SIRT5: variants seen among roughly 807,000 people sequenced by gnomAD.
SIRT5 encodes the protein NAD-dependent protein deacylase sirtuin-5, mitochondrial.
SIRT5 carries 26 observed loss-of-function variants against 40.0 expected under a neutral mutation model. That is an observed-to-expected ratio of 0.65 (90% CI 0.48 to 0.90). The LOEUF is 0.90. Ranked by LOEUF, SIRT5 falls within the 40% of genes least tolerant of loss-of-function variation. The pLI is 0.00. For missense variants in SIRT5, 401 were observed against 402.4 expected, an observed-to-expected ratio of 1.00 and a Z score of 0.03; for synonymous variants, 146 against 149.1, an observed-to-expected ratio of 0.98 and a Z score of 0.15.
intron 9 of SIRT5, among the ~76,000 whole-genome samples, chr6:13,608,271 G>A (rs1763379726): frequency 6.6e-6 from 1 of 151,714 alleles, no homozygotes; most frequent in Non-Finnish European, 1.5e-5. Flanking sequence ...TTATACTAAT[G>A]TAATATATTT....
intron 1 of SIRT5, among the ~76,000 whole-genome samples, chr6:13,576,937 T>C (rs1347380241): frequency 6.6e-6 from 1 of 152,230 alleles, no homozygotes; most frequent in African/African-American, 2.4e-5. Flanking sequence ...TCTTAGCACC[T>C]TTGTCAAAAA....
chr6:13,577,143 C>G (rs957585261), intron 1 of SIRT5, among the ~76,000 whole-genome samples: 2 of 152,136 alleles, frequency 1.3e-5, no homozygotes, highest in African/African-American at 4.8e-5. Flanking sequence ...GGGTCTTTTG[C>G]AATTCCATAT....
intron 1 of SIRT5, among the ~76,000 whole-genome samples, chr6:13,576,128 A>G (rs903746342): frequency 6.6e-6 from 1 of 152,240 alleles, no homozygotes; most frequent in Admixed American, 6.5e-5. Flanking sequence ...GAATGCAGCT[A>G]TCTCTTCAAC....
intron 9 of SIRT5, chr6:13,604,400 G>T (rs1012985150): frequency 3.3e-5 from 30 of 908,966 alleles, no homozygotes; most frequent in Non-Finnish European, 5.4e-5. Context: ...CTCGAAGAGT[G>T]GGACAGGATA....
chr6:13,577,453 T>C (rs1032522639), intron 1 of SIRT5, among the ~76,000 whole-genome samples: 1 of 151,878 alleles, frequency 6.6e-6, no homozygotes, highest in Non-Finnish European at 1.5e-5. Context: ...AGTTGGTTGT[T>C]AGAGTATAGA....
At chr6:13,591,199 T>C (rs1165426950) in intron 4 of SIRT5, among the ~76,000 whole-genome samples, 1 of 152,144 alleles carries the variant, frequency 6.6e-6, no homozygotes, top group Non-Finnish European at 1.5e-5. Flanking sequence ...TGTATAGCCA[T>C]AGCTATAGTT....
upstream of SIRT5, among the ~76,000 whole-genome samples, chr6:13,574,331 G>A (rs1453045915): frequency 6.6e-6 from 1 of 152,094 alleles, no homozygotes; most frequent in Non-Finnish European, 1.5e-5. Context: ...GCGCCGGGCC[G>A]GGGTCTCCGC....
intron 6 of SIRT5, among the ~76,000 whole-genome samples, chr6:13,596,046 A>G (rs1309330440): frequency 6.6e-6 from 1 of 152,138 alleles, no homozygotes; most frequent in Non-Finnish European, 1.5e-5. Flanking sequence ...TAAAAGAAAT[A>G]TTTTGCTCAC....
At chr6:13,598,260 C>T (rs549420479) in intron 7 of SIRT5, among the ~76,000 whole-genome samples, 3 of 152,156 alleles carry the variant, frequency 2.0e-5, no homozygotes, top group Non-Finnish European at 4.4e-5. Context: ...TAGAAGGTAA[C>T]CCTGAGGTAG....
At chr6:13,584,740 G>T (rs939177420) in intron 3 of SIRT5, among the ~76,000 whole-genome samples, 3 of 151,794 alleles carry the variant, frequency 2.0e-5, no homozygotes, top group African/African-American at 7.3e-5. Flanking sequence ...TGTTGCTTCT[G>T]CCAGAATATT....
At chr6:13,582,611 C>CAAA (rs756756300) in intron 2 of SIRT5, among the ~76,000 whole-genome samples, 1,335 of 122,000 alleles carry the variant, frequency 0.011, 13 homozygotes, top group Non-Finnish European at 0.016. Context: ...TGCCTCCCAC[C>CAAA]AAAAAAAAAA....
At chr6:13,582,992 G>A (rs529306126) in intron 2 of SIRT5, among the ~76,000 whole-genome samples, 53 of 152,134 alleles carry the variant, frequency 3.5e-4, no homozygotes, top group Non-Finnish European at 7.5e-4. Flanking sequence ...GATGGCTTGA[G>A]CTCAGGAGAT....
chr6:13,591,316 G>C (rs1013794206), intron 4 of SIRT5, among the ~76,000 whole-genome samples: 6 of 152,212 alleles, frequency 3.9e-5, no homozygotes, highest in Non-Finnish European at 5.9e-5. Context: ...GTGTGTTTTA[G>C]AGCTGCATGA....
At chr6:13,593,970 A>T (rs1761264959) in intron 5 of SIRT5, among the ~76,000 whole-genome samples, 1 of 152,152 alleles carries the variant, frequency 6.6e-6, no homozygotes, top group African/African-American at 2.4e-5. Context: ...TCCTGAGAGA[A>T]TGCCCCTCTG....
intron 1 of SIRT5, among the ~76,000 whole-genome samples, chr6:13,575,145 G>A (rs1758432672): frequency 6.6e-6 from 1 of 152,168 alleles, no homozygotes; most frequent in African/African-American, 2.4e-5. Context: ...GACGGCTCTG[G>A]AGCTCAGGCT....
At chr6:13,585,605 G>A (rs1335274008) in intron 3 of SIRT5, among the ~76,000 whole-genome samples, 2 of 152,288 alleles carry the variant, frequency 1.3e-5, no homozygotes, top group African/African-American at 4.8e-5. Flanking sequence ...GTATTCCATG[G>A]TGTATATTTG....
chr6:13,591,994 C>A, intron 5 of SIRT5, 100 bp downstream of exon 5: 1 of 1,111,732 alleles, frequency 9.0e-7, no homozygotes, highest in Non-Finnish European at 1.3e-6. Flanking sequence ...CCCTGCTGGA[C>A]ATCCGTCCTG....
chr6:13,608,979 G>A (rs376264196), intron 9 of SIRT5, among the ~76,000 whole-genome samples: 5 of 152,050 alleles, frequency 3.3e-5, no homozygotes, highest in African/African-American at 9.7e-5. Context: ...CTGCCACCAC[G>A]ACCAGCTAAT....
chr6:13,595,376 A>G, intron 5 of SIRT5, 101 bp from the exon 6 acceptor site: 1 of 925,160 alleles, frequency 1.1e-6, no homozygotes, highest in Non-Finnish European at 1.7e-6. Context: ...CAAAACATGA[A>G]ATGAAGTGTG....
Sources: allele counts gnomAD v4.1 joint callset (sites outside exome capture counted in the v4.1 genomes callset), GRCh38; gene constraint gnomAD v4.1.1; transcripts MANE v1.5; gene names NCBI Gene and HGNC (gene_info 2026-07-23, HGNC 2026-07-21).